Variants in EPRS1 observed in about 807,000 individuals in gnomAD.
The protein encoded by EPRS1 is glutamyl-prolyl-tRNA synthetase 1, also known as bifunctional glutamate/proline--tRNA ligase.
In EPRS1, 107 loss-of-function variants were observed where a neutral mutation model predicts 188.3. The observed-to-expected ratio is 0.57, with a 90% CI of 0.49 to 0.67. EPRS1 has a LOEUF of 0.67. EPRS1 is among the 30% of genes least tolerant of loss of function. The pLI, the probability that EPRS1 is intolerant of heterozygous loss-of-function variation, is 0.00. For missense variants in EPRS1, 1,577 were observed against 1,802.2 expected (o/e 0.88, Z 2.26); for synonymous variants, 596 against 593.1 (o/e 1.00, Z -0.07).
intron 12 of EPRS1, among the ~76,000 whole-genome samples, chr1:220,013,778 G>A (rs1446497217): frequency 6.6e-6 from 1 of 152,174 alleles, no homozygotes; most frequent in Non-Finnish European, 1.5e-5. Flanking sequence ...GGGTTTCAGT[G>A]TATGAAGACA....
At chr1:220,038,037 A>G (rs915490622) in intron 2 of EPRS1, among the ~76,000 whole-genome samples, 6 of 151,618 alleles carry the variant, frequency 4.0e-5, no homozygotes, top group Non-Finnish European at 5.9e-5. Context: ...GTATGGGGTG[A>G]CTGTGTGTAT....
chr1:219,979,981 CTTAT>C, intron 26 of EPRS1, 100 bp downstream of exon 26: 3 of 884,394 alleles, frequency 3.4e-6, no homozygotes, highest in Non-Finnish European at 4.8e-6. Flanking sequence ...ACATGAAACA[CTTAT>C]TTTTTAAGAG....
At chr1:219,983,723 T>C (rs576967688) in intron 21 of EPRS1, among the ~76,000 whole-genome samples, 1 of 152,106 alleles carries the variant, frequency 6.6e-6, no homozygotes, top group East Asian at 1.9e-4. Context: ...TGAAACCCAG[T>C]CTCTACTAAA....
At chr1:220,011,179 C>A in intron 12 of EPRS1, 123 bp from the exon 13 acceptor site, 1 of 572,192 alleles carries the variant, frequency 1.7e-6, no homozygotes, top group Non-Finnish European at 3.1e-6. Flanking sequence ...AATTTTTTTT[C>A]AACTGTTAAC....
rs1311433581 is a variant in EPRS1 at position 220,024,630 on chromosome 1, C to T, written c.751-174G>A. Among the ~76,000 whole-genome samples the T allele has an allele frequency of 2.0e-5, 3 of 152,148 alleles. No individual in the cohort carries two copies. In the East Asian group the frequency reaches 5.8e-4, roughly 29 times the overall value. ...TCAAAAAAGAAAAAACAGATAGATA[C>T]TCATTATATTAGCCTCCAAATTTCC... On this transcript the variant is annotated intron_variant, in intron 7 of 31. Transcript: ENST00000366923.
chr1:220,035,075 C>T, intron 2 of EPRS1, 62 bp from the exon 3 acceptor site: 2 of 787,532 alleles, frequency 2.5e-6, no homozygotes, highest in Non-Finnish European at 4.2e-6. Flanking sequence ...AGTCATGAGA[C>T]TTATGAAGAA....
chr1:220,009,967 A>T (rs373119386), intron 13 of EPRS1, among the ~76,000 whole-genome samples: 1 of 151,682 alleles, frequency 6.6e-6, no homozygotes, highest in African/African-American at 2.4e-5. Context: ...GTAGTGGCGC[A>T]CATCTGTAAT....
intron 16 of EPRS1, among the ~76,000 whole-genome samples, chr1:220,002,984 G>A (rs1321052877): frequency 6.6e-6 from 1 of 152,086 alleles, no homozygotes; most frequent in Non-Finnish European, 1.5e-5. Context: ...TTTTTCTTTG[G>A]CAAATACGCA....
intron 30 of EPRS1, among the ~76,000 whole-genome samples, chr1:219,969,859 C>T (rs1660631662): frequency 6.6e-6 from 1 of 152,046 alleles, no homozygotes; most frequent in African/African-American, 2.4e-5. Context: ...CTTACTCTGT[C>T]ACCCAGGATG....
In EPRS1 at chr1:220,007,241, A is replaced by C; in HGVS notation, c.1703T>G (p.Phe568Cys). Residue 568 changes from phenylalanine (F) to cysteine (C), a missense_variant, in exon 14 of 32, where the codon TTT (phenylalanine) becomes TGT (cysteine). By Grantham distance (205) the Phe-to-Cys change is radical. This residue lies in a region of EPRS1 where 1,278 missense variants were observed against 1,457.4 expected (regional missense o/e 0.88). Coordinates refer to ENST00000366923, the MANE Select transcript of EPRS1 (RefSeq NM_004446.3). ...AATGTTGAGGTTGCCCCAATTTATA[A>C]ATGTAACCATCTCACCCTCCGAAAA... Reference protein sequence around the residue: ...ETFSEGEMVTFINWGNLNITK... With the variant: ...ETFSEGEMVTCINWGNLNITK... The C allele has an allele frequency of 6.2e-7, 1 of 1,613,950 alleles. No homozygotes were observed.
intron 6 of EPRS1, among the ~76,000 whole-genome samples, 178 bp downstream of exon 6, chr1:220,030,208 T>A (rs1662058830): frequency 6.6e-6 from 1 of 152,180 alleles, no homozygotes; most frequent in South Asian, 2.1e-4. Context: ...ACAAATTAAA[T>A]CAACATTAAC....
At chr1:220,001,347 C>A in intron 16 of EPRS1, 92 bp from the exon 17 acceptor site, 2 of 770,262 alleles carry the variant, frequency 2.6e-6, no homozygotes. Flanking sequence ...TTCAATGGCA[C>A]TAAGTTAATG....
At chr1:220,011,995 T>C (rs1661614969) in intron 12 of EPRS1, among the ~76,000 whole-genome samples, 1 of 59,178 alleles carries the variant, frequency 1.7e-5, no homozygotes, top group Non-Finnish European at 3.7e-5. Context: ...TTGTTGCCAT[T>C]ATTGGGTTGG....
At chr1:220,030,359 T>C in intron 6 of EPRS1, 27 bp downstream of exon 6, 1 of 1,451,122 alleles carries the variant, frequency 6.9e-7, no homozygotes, top group Non-Finnish European at 9.7e-7. Flanking sequence ...ATATATTCAA[T>C]TATAAATGTG....
rs374259142 is a variant in EPRS1 at position 219,978,786 on chromosome 1, G to T, written c.3910-67C>A. On this transcript the variant is annotated intron_variant, in intron 27 of 31. Coordinates refer to ENST00000366923, the MANE Select transcript of EPRS1 (RefSeq NM_004446.3). ...ATATAGAAGTAATGAGCTCTCAGAA[G>T]TCGAAACCTACCAGTGGCTATATTA... 3.9e-4 allele frequency: 480 copies of T among 1,216,330 alleles called. 1 individual carries two copies. The South Asian group carries it at 4.5e-3, about 11-fold the overall frequency. 75.3% of individuals were successfully genotyped at this position (1,216,330 alleles called of 1,614,324 possible).
intron 20 of EPRS1, among the ~76,000 whole-genome samples, chr1:219,985,935 C>CA (rs1324952904): frequency 6.6e-6 from 1 of 152,140 alleles, no homozygotes; most frequent in Non-Finnish European, 1.5e-5. Context: ...CATACCTCAA[C>CA]AAAATAACTC....
Position 220,025,119 on chromosome 1 carries a change from C to T in EPRS1, c.750+13G>A. 12 of 1,611,198 alleles carry T rather than the reference C, an allele frequency of 7.4e-6. No homozygotes were observed. Among genetic ancestry groups the T allele is most frequent in the East Asian group, 2.2e-5 (1 of 44,766 alleles). ...CTTTTCTGGCAAAGGGTCATCACTA[C>T]ACTTTTAATTACCTTCTCAAAATCT... On this transcript the variant is annotated intron_variant, in intron 7 of 31. Coordinates refer to ENST00000366923, the MANE Select transcript of EPRS1 (RefSeq NM_004446.3).
intron 18 of EPRS1, among the ~76,000 whole-genome samples, chr1:219,992,952 C>T (rs181866348): frequency 2.0e-5 from 3 of 151,288 alleles, no homozygotes; most frequent in East Asian, 2.0e-4. Flanking sequence ...AACAGGCGTA[C>T]GGCCAGGCCC....
rs750415809 is a variant in EPRS1, at chr1:220,020,150, G to T, written c.1187C>A (p.Thr396Lys). 1 of 1,614,036 alleles carries T rather than the reference G, an allele frequency of 6.2e-7. No homozygotes were observed. The highest frequency in any genetic ancestry group is 8.5e-7 in the Non-Finnish European group (1 of 1,179,956). ...CTCATCTCTGTCATGGTATTCTGTT[G>T]TTCTCAGGGCATGTGTAACACCTTC... Reference protein sequence around the residue: ...SIEGVTHALRTTEYHDRDEQF... With the variant: ...SIEGVTHALRKTEYHDRDEQF... The change falls in exon 10 of 32, where the codon ACA becomes AAA. Residue 396 changes from threonine to lysine, a missense_variant. By Grantham distance (78) the Thr-to-Lys change is moderately conservative. Transcript: ENST00000366923.
Sources: gnomAD v4.1 joint callset for allele counts (sites outside exome capture counted in the v4.1 genomes callset) on GRCh38, gnomAD v4.1.1 for gene constraint, gnomAD v4.1.1 regional missense constraint, MANE v1.5 for transcripts, NCBI Gene and HGNC (gene_info 2026-07-23, HGNC 2026-07-21) for gene names.